The following STK39 variants were observed in gnomAD, a reference collection of about 807,000 sequenced individuals.
The protein encoded by STK39 is serine/threonine kinase 39, also known as STE20/SPS1-related proline-alanine-rich protein kinase.
STK39 carries 20 observed loss-of-function variants against 77.8 expected under a neutral mutation model. The ratio of observed to expected loss-of-function variants is 0.26; its 90% CI spans 0.18 to 0.37. The LOEUF (loss-of-function observed/expected upper bound fraction) is 0.37. Ranked by LOEUF, STK39 falls within the 10% of genes least tolerant of loss-of-function variation. The probability of loss-of-function intolerance (pLI) is 1.00; values close to 1 mark genes in which losing one functional copy is unlikely to be tolerated. For missense variants in STK39, 479 were observed against 656.5 expected (o/e 0.73, Z 2.95); for synonymous variants, 246 against 234.1 (o/e 1.05, Z -0.47).
At chr2:168,017,285 A>G (rs936831953) in intron 14 of STK39, among the ~76,000 whole-genome samples, 190 bp from the exon 15 acceptor site, 1 of 152,020 alleles carries the variant, frequency 6.6e-6, no homozygotes, top group Non-Finnish European at 1.5e-5. Flanking sequence ...CTTTAATTTG[A>G]TTGAATTTAC....
intron 7 of STK39, among the ~76,000 whole-genome samples, chr2:168,139,430 A>ATATATATATATATATATATAAATATATAT (rs1687923359): frequency 6.6e-6 from 1 of 150,862 alleles, no homozygotes; most frequent in African/African-American, 2.4e-5. Flanking sequence ...ATATAAAAAC[A>ATATATATATATATATATATAAATATATAT]ATAAAATGAA....
chr2:168,028,548 T>A (rs1000699569), intron 14 of STK39, among the ~76,000 whole-genome samples: 1 of 152,214 alleles, frequency 6.6e-6, no homozygotes, highest in African/African-American at 2.4e-5. Flanking sequence ...CAGACTCATG[T>A]TAATGGCAGG....
At chr2:168,057,045 TGA>T (rs2105374995) in intron 14 of STK39, among the ~76,000 whole-genome samples, 1 of 152,188 alleles carries the variant, frequency 6.6e-6, no homozygotes, top group African/African-American at 2.4e-5. Context: ...GGTGCTGGGG[TGA>T]GAGAAGAGGA....
At chr2:168,168,244 TAAAAC>T (rs1253147250) in intron 2 of STK39, among the ~76,000 whole-genome samples, 1 of 152,138 alleles carries the variant, frequency 6.6e-6, no homozygotes, top group Non-Finnish European at 1.5e-5. Flanking sequence ...AGCTGAGAAA[TAAAAC>T]AAAAGGAAAC....
chr2:168,148,570 AC>A (rs1352990564), intron 5 of STK39, among the ~76,000 whole-genome samples: 8 of 152,226 alleles, frequency 5.3e-5, no homozygotes, highest in Non-Finnish European at 1.2e-4. Context: ...TCAAGATGCA[AC>A]AAGACCGGCA....
At chr2:168,228,604 A>G (rs1690367163) in intron 1 of STK39, among the ~76,000 whole-genome samples, 2 of 152,124 alleles carry the variant, frequency 1.3e-5, no homozygotes, top group Admixed American at 6.5e-5. Flanking sequence ...CAGCCTGACC[A>G]ACATGGTGAA....
At chr2:168,102,916 C>G (rs953076403) in intron 10 of STK39, among the ~76,000 whole-genome samples, 2 of 113,810 alleles carry the variant, frequency 1.8e-5, no homozygotes, top group Non-Finnish European at 3.3e-5. Flanking sequence ...GGCGACAGAG[C>G]GAGAATCCGT....
rs150597883 is a variant in STK39 at position 168,140,099 on chromosome 2, A to G, written c.840+190T>C. On this transcript the variant is annotated intron_variant, in intron 7 of 17. Transcript: ENST00000355999. Reference sequence around the variant, plus strand: ...GTGCTGAGACTATAAAGCAAGCTTCAAAGCTGGGAATTATGCTACTTTTGT... The same window carrying G: ...GTGCTGAGACTATAAAGCAAGCTTCGAAGCTGGGAATTATGCTACTTTTGT... Among the ~76,000 whole-genome samples, 366 of 152,356 alleles carry G rather than the reference A, an allele frequency of 2.4e-3. 2 individuals carry two copies. Among genetic ancestry groups the G allele is most frequent in the African/African-American group, 8.3e-3 (346 of 41,586 alleles).
At chr2:168,221,138 C>G (rs997101839) in intron 1 of STK39, among the ~76,000 whole-genome samples, 13 of 152,238 alleles carry the variant, frequency 8.5e-5, no homozygotes, top group South Asian at 4.1e-4. Flanking sequence ...ACTAGGATAC[C>G]TTTGTTCAAA....
intron 14 of STK39, among the ~76,000 whole-genome samples, chr2:168,030,243 A>T (rs138150369): frequency 1.3e-5 from 2 of 152,140 alleles, no homozygotes; most frequent in Non-Finnish European, 2.9e-5. Context: ...CTGTCTCAAA[A>T]TAATAATAAT....
chr2:168,091,150 G>GCACACACA (rs71927823), intron 10 of STK39, among the ~76,000 whole-genome samples: 3,033 of 147,608 alleles, frequency 0.021, 38 homozygotes, highest in Non-Finnish European at 0.027. Flanking sequence ...ACAAACAGGT[G>GCACACACA]CACACACACA....
intron 12 of STK39, among the ~76,000 whole-genome samples, chr2:168,065,844 T>C (rs1685778563): frequency 1.3e-5 from 2 of 152,224 alleles, no homozygotes; most frequent in Non-Finnish European, 2.9e-5. Context: ...AATTATTCAC[T>C]GTATTTAAAA....
intron 14 of STK39, among the ~76,000 whole-genome samples, chr2:168,029,299 A>C (rs1182765826): frequency 6.6e-6 from 1 of 152,210 alleles, no homozygotes; most frequent in Non-Finnish European, 1.5e-5. Flanking sequence ...TATAGTTCTA[A>C]CTTCATCAAA....
intron 10 of STK39, among the ~76,000 whole-genome samples, chr2:168,101,528 A>C (rs1006886228): frequency 1.2e-4 from 19 of 152,104 alleles, no homozygotes; most frequent in Non-Finnish European, 2.6e-4. Flanking sequence ...ACTTGAGGCC[A>C]AGAGTTCAAG....
chr2:168,018,164 T>C lies in STK39; in HGVS notation c.1377-1069A>G, dbSNP rs577135873. ...TAAGAACACTAAAATATTATAAGTA[T>C]CAACAGATGCTAGAATTAAGGTTAA... On this transcript the variant is annotated intron_variant, in intron 14 of 17. Coordinates refer to ENST00000355999, the MANE Select transcript of STK39 (RefSeq NM_013233.3). Among the ~76,000 whole-genome samples, 34 of 152,264 alleles carry C rather than the reference T, an allele frequency of 2.2e-4. 1 individual carries two copies. Among genetic ancestry groups the C allele is most frequent in the South Asian group, 1.2e-3 (6 of 4,828 alleles).
intron 5 of STK39, among the ~76,000 whole-genome samples, chr2:168,158,123 G>T (rs558208100): frequency 6.6e-6 from 1 of 152,266 alleles, no homozygotes; most frequent in African/African-American, 2.4e-5. Context: ...GCCGTGGGAA[G>T]AACATGACTT....
At chr2:168,044,503 T>G (rs1296917373) in intron 14 of STK39, among the ~76,000 whole-genome samples, 1 of 152,108 alleles carries the variant, frequency 6.6e-6, no homozygotes, top group Non-Finnish European at 1.5e-5. Context: ...TACTGAAATA[T>G]GACCCAAAGA....
Position 168,140,338 on chromosome 2 carries a change from A to G in STK39, c.791T>C (p.Ile264Thr). 6.2e-7 allele frequency: 1 copy of G among 1,614,116 alleles called. No homozygotes were observed. The highest frequency in any genetic ancestry group is 8.5e-7 in the Non-Finnish European group (1 of 1,179,964). The change falls in exon 7 of 18, where the codon ATT (isoleucine) becomes ACT (threonine). Residue 264 changes from isoleucine to threonine, a missense_variant. Coordinates refer to ENST00000355999, the MANE Select transcript of STK39 (RefSeq NM_013233.3). Reference protein sequence around the residue: ...ADMWSFGITAIELATGAAPYH... With the variant: ...ADMWSFGITATELATGAAPYH... ...AGGCGCTGCTCCTGTTGCTAATTCA[A>G]TGGCAGTTATTCCAAAACTCCACAT... is the stretch of plus-strand genomic sequence containing the variant.
At position 168,035,896 on chromosome 2, in the gene STK39, C is replaced by G. The variant is rs79583451; in HGVS notation, c.1377-18801G>C. Reference sequence around the variant, plus strand: ...CCACTCTCCTTCTTCAGCACCCTCTCCTCGAACATAACACATTGTAAGCAC... The same window carrying G: ...CCACTCTCCTTCTTCAGCACCCTCTGCTCGAACATAACACATTGTAAGCAC... On this transcript the variant is annotated intron_variant, in intron 14 of 17. Transcript: ENST00000355999. Among the ~76,000 whole-genome samples, 103 of 152,312 alleles carry G rather than the reference C, an allele frequency of 6.8e-4. 3 individuals carry two copies. In the East Asian group the frequency reaches 0.016, roughly 23 times the overall value.
Sources: gnomAD v4.1 joint callset for allele counts (sites outside exome capture counted in the v4.1 genomes callset) on GRCh38, gnomAD v4.1.1 for gene constraint, MANE v1.5 for transcripts, NCBI Gene and HGNC (gene_info 2026-07-23, HGNC 2026-07-21) for gene names.